Variants in ANKRD30BL observed in about 807,000 individuals in gnomAD.
ANKRD30BL encodes the protein ankyrin repeat domain 30B like.
ANKRD30BL carries 20 observed loss-of-function variants against 18.4 expected under a neutral mutation model. The observed-to-expected ratio is 1.09, with a 90% CI of 0.77 to 1.58. The LOEUF (loss-of-function observed/expected upper bound fraction) is 1.58. ANKRD30BL is among the 40% of genes most tolerant of loss of function. The pLI, the probability that ANKRD30BL is intolerant of heterozygous loss-of-function variation, is 0.00. For missense variants in ANKRD30BL, 224 were observed against 268.6 expected, an observed-to-expected ratio of 0.83 and a Z score of 1.16; for synonymous variants, 72 against 100.9, an observed-to-expected ratio of 0.71 and a Z score of 1.72.
Position 132,152,997 on chromosome 2 carries a change from C to T in ANKRD30BL, c.614+1665G>A, listed in dbSNP as rs138548974. Among the ~76,000 whole-genome samples, 334 of 152,226 alleles carry T rather than the reference C, an allele frequency of 2.2e-3. 3 individuals carry two copies. Among genetic ancestry groups the T allele is most frequent in the African/African-American group, 7.6e-3 (317 of 41,548 alleles). On this transcript the variant is annotated intron_variant, in intron 4 of 5. Transcript: ENST00000409867. The stretch of plus-strand genomic sequence containing the variant: ...GAACTTTAAAAACATGCAGTAACTT[C>T]GAAGTCTACACCATGAAGACTGAAG...
At chr2:132,188,036 T>C (rs1209342020) in intron 1 of ANKRD30BL, among the ~76,000 whole-genome samples, 2 of 152,222 alleles carry the variant, frequency 1.3e-5, no homozygotes, top group African/African-American at 4.8e-5. Context: ...CGTGAGCCAC[T>C]GTGCCCGGCC....
intron 1 of ANKRD30BL, among the ~76,000 whole-genome samples, chr2:132,194,530 T>C (rs1678925497): frequency 6.6e-6 from 1 of 152,178 alleles, no homozygotes; most frequent in Non-Finnish European, 1.5e-5. Context: ...TGAGTAACTT[T>C]AATTTAAGGA....
intron 1 of ANKRD30BL, among the ~76,000 whole-genome samples, chr2:132,202,509 C>A (rs1308667413): frequency 6.8e-6 from 1 of 147,158 alleles, no homozygotes; most frequent in Non-Finnish European, 1.5e-5. Context: ...TCAGAAATTT[C>A]AAAAAAATAA....
chr2:132,162,238 G>T (rs528225941), upstream of ANKRD30BL, among the ~76,000 whole-genome samples: 379 of 152,310 alleles, frequency 2.5e-3, 2 homozygotes, highest in Non-Finnish European at 4.9e-3. Context: ...GCCTCTTGCA[G>T]CCAGGGACCC....
At chr2:132,222,404 T>G (rs111477103) in intron 1 of ANKRD30BL, among the ~76,000 whole-genome samples, 25,630 of 151,112 alleles carry the variant, frequency 0.17, 4,823 homozygotes, top group African/African-American at 0.47. Context: ...GGCGGGAAGG[T>G]TGGGGAAAAA....
At chr2:132,154,628 C>T (rs766396566) in intron 4 of ANKRD30BL, 34 bp downstream of exon 4, 7 of 628,744 alleles carry the variant, frequency 1.1e-5, no homozygotes, top group Admixed American at 2.8e-5. Flanking sequence ...TAGCACACTA[C>T]TCAAGTGTTT....
At chr2:132,236,759 G>A (rs1411914280) in intron 1 of ANKRD30BL, among the ~76,000 whole-genome samples, 8 of 152,054 alleles carry the variant, frequency 5.3e-5, no homozygotes, top group Non-Finnish European at 2.9e-5. Context: ...ATTTGACCCA[G>A]CCATCCCATT....
At chr2:132,222,797 A>G (rs1242810536) in intron 1 of ANKRD30BL, among the ~76,000 whole-genome samples, 3 of 132,072 alleles carry the variant, frequency 2.3e-5, no homozygotes, top group Non-Finnish European at 4.7e-5. Flanking sequence ...ACCCTGCCAA[A>G]TCCCCTTCTG....
At chr2:132,164,253 GTTTCTT>G (rs1234359168), upstream of ANKRD30BL, among the ~76,000 whole-genome samples, 4 of 123,098 alleles carry the variant, frequency 3.2e-5, no homozygotes, top group Non-Finnish European at 6.8e-5. Context: ...CATTTTCTTT[GTTTCTT>G]TTTCTTTTTC....
chr2:132,168,914 T>G (rs1334106012), intron 1 of ANKRD30BL, among the ~76,000 whole-genome samples: 1 of 150,502 alleles, frequency 6.6e-6, no homozygotes, highest in Admixed American at 6.6e-5. Flanking sequence ...AAAAAACATT[T>G]GTACAGCATA....
intron 4 of ANKRD30BL, among the ~76,000 whole-genome samples, chr2:132,153,933 G>A (rs796676696): frequency 6.6e-6 from 1 of 152,108 alleles, no homozygotes; most frequent in African/African-American, 2.4e-5. Context: ...AAGAAAATAC[G>A]TTCTGTTCAC....
At chr2:132,205,733 G>T (rs1386841299) in intron 1 of ANKRD30BL, among the ~76,000 whole-genome samples, 1 of 152,018 alleles carries the variant, frequency 6.6e-6, no homozygotes, top group African/African-American at 2.4e-5. Context: ...AAGGAAATGA[G>T]AAGCAATGCA....
intron 1 of ANKRD30BL, among the ~76,000 whole-genome samples, chr2:132,216,807 C>T (rs896189940): frequency 6.6e-6 from 1 of 152,190 alleles, no homozygotes; most frequent in Admixed American, 6.6e-5. Flanking sequence ...TGTGTACATT[C>T]AACTCACAGA....
At chr2:132,177,343 A>T in intron 1 of ANKRD30BL, among the ~76,000 whole-genome samples, 1 of 152,212 alleles carries the variant, frequency 6.6e-6, no homozygotes, top group East Asian at 1.9e-4. Context: ...TAGTAGAGAC[A>T]GAGTTTCACC....
At chr2:132,185,063 C>A (rs1171362444) in intron 1 of ANKRD30BL, among the ~76,000 whole-genome samples, 1 of 152,042 alleles carries the variant, frequency 6.6e-6, no homozygotes, top group African/African-American at 2.4e-5. Flanking sequence ...CCACGTGCCT[C>A]AGCCTCCCAA....
intron 1 of ANKRD30BL, among the ~76,000 whole-genome samples, chr2:132,252,925 G>C (rs1356674154): frequency 6.6e-6 from 1 of 152,172 alleles, no homozygotes; most frequent in African/African-American, 2.4e-5. Context: ...GGGTGGCGGT[G>C]CTGCCCTCTC....
rs141745600 is a variant in ANKRD30BL at position 132,238,245 on chromosome 2, G to T, written n.441+19284C>A. Among the ~76,000 whole-genome samples, 68 of 151,962 alleles carry T rather than the reference G, an allele frequency of 4.5e-4. No individual in the cohort carries two copies. In the East Asian group the frequency reaches 0.011, roughly 26 times the overall value. ...GCAGTTATGAAAGACTCTTCTTATA[G>T]AATTTACAAGTGGATATTAGGACAG... On this transcript the variant is annotated intron_variant and non_coding_transcript_variant, in intron 1 of 4. Transcript: ENST00000470729.
chr2:132,198,596 C>T (rs1364375474), intron 1 of ANKRD30BL, among the ~76,000 whole-genome samples: 21 of 150,838 alleles, frequency 1.4e-4, no homozygotes, highest in South Asian at 1.0e-3. Flanking sequence ...GTGCTGGGAT[C>T]ACAGGCATGA....
chr2:132,160,187 C>T (rs375165179), intron 1 of ANKRD30BL, among the ~76,000 whole-genome samples: 3 of 151,780 alleles, frequency 2.0e-5, no homozygotes, highest in African/African-American at 4.8e-5. Flanking sequence ...CTGCAACCTC[C>T]GCCTCCCAGT....
Sources: allele counts gnomAD v4.1 joint callset (sites outside exome capture counted in the v4.1 genomes callset), GRCh38; gene constraint gnomAD v4.1.1; transcripts MANE v1.5; gene names NCBI Gene and HGNC (gene_info 2026-07-23, HGNC 2026-07-21).